Variants in TCF4 observed in about 807,000 individuals in gnomAD.
TCF4 encodes the protein SL3-3 enhancer factor 2.
A neutral mutation model predicts 82.1 loss-of-function variants in TCF4; 3 were observed. The ratio of observed to expected loss-of-function variants is 0.04; its 90% confidence interval spans 0.02 to 0.09. The LOEUF (loss-of-function observed/expected upper bound fraction) is 0.09. Among genes scored for constraint, TCF4 ranks in the 10% least tolerant of loss-of-function variants. The pLI is 1.00. For missense variants in TCF4, 518 were observed against 852.7 expected (o/e 0.61, Z 4.89); for synonymous variants, 276 against 309.6 (o/e 0.89, Z 1.14).
intron 17 of TCF4, chr18:55,230,988 C>T (rs13381817): frequency 0.061 from 9,344 of 152,306 alleles, 395 homozygotes; most frequent in Middle Eastern, 0.11. Flanking sequence ...ATAGCGTAAG[C>T]GCCTTTCCAG....
intron 5 of TCF4, among the ~76,000 whole-genome samples, chr18:55,427,972 G>A (rs1046442735): frequency 6.6e-6 from 1 of 152,092 alleles, no homozygotes; most frequent in African/African-American, 2.4e-5. Flanking sequence ...AATGAAAAGT[G>A]CAAACAACTA....
intron 5 of TCF4, among the ~76,000 whole-genome samples, chr18:55,453,503 T>C (rs907623029): frequency 6.6e-6 from 1 of 152,240 alleles, no homozygotes. Flanking sequence ...ATGTGAGAAA[T>C]CTTCCCCTGG....
At chr18:55,452,459 C>T (rs2095643968) in intron 5 of TCF4, 1 of 152,316 alleles carries the variant, frequency 6.6e-6, no homozygotes, top group Non-Finnish European at 1.5e-5. Flanking sequence ...GGAGAAAGAT[C>T]TTTGTCTGTC....
At chr18:55,426,942 T>C (rs909543043) in intron 5 of TCF4, among the ~76,000 whole-genome samples, 4 of 152,180 alleles carry the variant, frequency 2.6e-5, no homozygotes, top group Non-Finnish European at 5.9e-5. Context: ...AACAATGTTC[T>C]TTCCCAAAAT....
intron 6 of TCF4, among the ~76,000 whole-genome samples, chr18:55,393,675 C>T (rs573785926): frequency 6.6e-6 from 1 of 152,146 alleles, no homozygotes; most frequent in East Asian, 1.9e-4. Context: ...ATGCAATTTG[C>T]ATAATTTTTT....
At chr18:55,314,741 TA>T (rs1185428436) in intron 8 of TCF4, among the ~76,000 whole-genome samples, 1 of 150,862 alleles carries the variant, frequency 6.6e-6, no homozygotes, top group African/African-American at 2.4e-5. Flanking sequence ...TGGCTGACAA[TA>T]AAAAAAAGGA....
rs1038247581 is a variant in TCF4 at position 55,403,896 on chromosome 18, C to G, written c.305-378G>C. The G allele has an allele frequency of 6.3e-6, 9 of 1,433,052 alleles. No homozygotes were observed. In the African/African-American group the frequency reaches 1.3e-4, roughly 21 times the overall value. 88.8% of individuals were successfully genotyped at this position (1,433,052 alleles called of 1,614,324 possible). The stretch of plus-strand genomic sequence containing the variant: ...TGTAATGACCCTAGCCTAGTAATTC[C>G]CATTGATTATATTGACACTTAATAG... On this transcript the variant is annotated intron_variant, in intron 5 of 19. Coordinates refer to ENST00000354452, the MANE Select transcript of TCF4 (RefSeq NM_001083962.2).
At chr18:55,403,911 A>G in intron 5 of TCF4, 1 of 1,423,740 alleles carries the variant, frequency 7.0e-7, no homozygotes, top group Non-Finnish European at 9.1e-7. Flanking sequence ...GATTATATTG[A>G]CACTTAATAG....
Position 55,378,163 on chromosome 18 carries a change from T to C in TCF4, c.369+25291A>G, listed in dbSNP as rs1025092770. ...ACTAAAGTTATGAGTTGGACCAAAA[T>C]GAAAAGTTTCCCTAAGAATACTTGA... On this transcript the variant is annotated intron_variant, in intron 6 of 19. Coordinates refer to ENST00000354452, the MANE Select transcript of TCF4 (RefSeq NM_001083962.2). Among the ~76,000 whole-genome samples, 3 of 152,136 alleles carry C rather than the reference T, an allele frequency of 2.0e-5. No individual in the cohort carries two copies. In the South Asian group the frequency reaches 6.2e-4, roughly 32 times the overall value.
At chr18:55,276,446 A>G (rs1189692930) in intron 9 of TCF4, among the ~76,000 whole-genome samples, 1 of 152,194 alleles carries the variant, frequency 6.6e-6, no homozygotes, top group Non-Finnish European at 1.5e-5. Context: ...GGATTTTATA[A>G]AACGATTTAT....
At chr18:55,547,433 T>G (rs2097216295) in intron 3 of TCF4, among the ~76,000 whole-genome samples, 1 of 152,170 alleles carries the variant, frequency 6.6e-6, no homozygotes, top group Non-Finnish European at 1.5e-5. Context: ...AAACATTTAT[T>G]AAAATTTCTA....
At chr18:55,416,832 C>T (rs2094541766) in intron 5 of TCF4, among the ~76,000 whole-genome samples, 1 of 152,156 alleles carries the variant, frequency 6.6e-6, no homozygotes, top group African/African-American at 2.4e-5. Context: ...GGGGATAATG[C>T]CTCTTTACGT....
At chr18:55,510,917 G>C (rs1000289557) in intron 3 of TCF4, 1 of 383,698 alleles carries the variant, frequency 2.6e-6, no homozygotes, top group African/African-American at 2.1e-5. Context: ...CAAGATCTCT[G>C]CCAAACAGAG....
intron 1 of TCF4, chr18:55,631,456 C>T (rs1439070398): frequency 6.8e-7 from 1 of 1,481,424 alleles, no homozygotes; most frequent in Non-Finnish European, 9.1e-7. Flanking sequence ...GAAGATGGTA[C>T]TGGTAGTCTG....
chr18:55,443,636 T>C (rs1219819259), intron 5 of TCF4, among the ~76,000 whole-genome samples: 1 of 152,204 alleles, frequency 6.6e-6, no homozygotes, highest in African/African-American at 2.4e-5. Flanking sequence ...ATCCTATCTA[T>C]TGCCTGGTAA....
chr18:55,360,454 C>T (rs1272156211), intron 6 of TCF4, among the ~76,000 whole-genome samples: 1 of 152,128 alleles, frequency 6.6e-6, no homozygotes, highest in Non-Finnish European at 1.5e-5. Context: ...TCCAACAATG[C>T]CAACTTTTCC....
intron 5 of TCF4, among the ~76,000 whole-genome samples, chr18:55,460,462 A>T (rs2095850841): frequency 1.3e-5 from 2 of 152,200 alleles, no homozygotes; most frequent in South Asian, 4.1e-4. Flanking sequence ...AACTTGCTTT[A>T]ATAAAGCAGG....
intron 6 of TCF4, among the ~76,000 whole-genome samples, chr18:55,402,419 A>G (rs1466129706): frequency 6.6e-6 from 1 of 152,130 alleles, no homozygotes; most frequent in African/African-American, 2.4e-5. Flanking sequence ...TAAAATTAAA[A>G]TAGATTTTTT....
At chr18:55,298,806 G>A (rs1413379279) in intron 8 of TCF4, among the ~76,000 whole-genome samples, 1 of 152,086 alleles carries the variant, frequency 6.6e-6, no homozygotes, top group East Asian at 1.9e-4. Context: ...CATCAAGACT[G>A]TTGAAAAAGT....
Sources: allele counts gnomAD v4.1 joint callset (sites outside exome capture counted in the v4.1 genomes callset), GRCh38; gene constraint gnomAD v4.1.1; transcripts MANE v1.5; gene names NCBI Gene and HGNC (gene_info 2026-07-23, HGNC 2026-07-21).